RARB: variants seen among roughly 807,000 people sequenced by gnomAD.
RARB encodes the protein retinoic acid receptor beta.
Under a neutral mutation model 51.9 loss-of-function variants are expected in RARB, and 17 were observed. The observed-to-expected ratio is 0.33, with a 90% CI of 0.22 to 0.49. RARB has a LOEUF of 0.49. Among genes scored for constraint, RARB ranks in the 20% least tolerant of loss-of-function variants. The probability of loss-of-function intolerance (pLI) is 0.99; values close to 1 mark genes in which losing one functional copy is unlikely to be tolerated. For synonymous variants in RARB, 215 were observed against 195.4 expected (o/e 1.10, Z -0.84); for missense variants, 369 against 550.8 (o/e 0.67, Z 3.30).
At chr3:24,912,870 GA>G in intron 2 of RARB, among the ~76,000 whole-genome samples, 1 of 151,676 alleles carries the variant, frequency 6.6e-6, no homozygotes, top group Non-Finnish European at 1.5e-5. Context: ...TCAAATCCAG[GA>G]AGAGATTGAA....
intron 5 of RARB, among the ~76,000 whole-genome samples, chr3:25,317,986 C>G (rs1450569032): frequency 2.6e-5 from 4 of 152,156 alleles, no homozygotes; most frequent in Non-Finnish European, 4.4e-5. Flanking sequence ...TTGGAAACAA[C>G]AGGCATCCTA....
At chr3:25,338,983 A>G (rs1423035707) in intron 5 of RARB, among the ~76,000 whole-genome samples, 2 of 152,160 alleles carry the variant, frequency 1.3e-5, no homozygotes, top group East Asian at 3.9e-4. Context: ...TACTTTCCAT[A>G]TAATAAATAT....
At chr3:25,044,306 G>A (rs542412017) in intron 2 of RARB, among the ~76,000 whole-genome samples, 2 of 152,204 alleles carry the variant, frequency 1.3e-5, no homozygotes, top group South Asian at 2.1e-4. Flanking sequence ...TGAGAAATTG[G>A]CCTTGTGTCA....
At chr3:25,307,716 A>G (rs1253698301) in intron 5 of RARB, among the ~76,000 whole-genome samples, 1 of 152,168 alleles carries the variant, frequency 6.6e-6, no homozygotes, top group Non-Finnish European at 1.5e-5. Context: ...GGCCTCTGTC[A>G]CTAGAATGAG....
chr3:25,055,715 A>G (rs1366176416), intron 2 of RARB, among the ~76,000 whole-genome samples: 1 of 152,066 alleles, frequency 6.6e-6, no homozygotes, highest in African/African-American at 2.4e-5. Context: ...TTACATAGAG[A>G]GTAACTTCGG....
chr3:25,462,843 G>T (rs557087401), intron 2 of RARB, among the ~76,000 whole-genome samples: 2 of 152,102 alleles, frequency 1.3e-5, no homozygotes, highest in Non-Finnish European at 2.9e-5. Context: ...TGGCTTGTTC[G>T]CAGAGGCAGG....
At chr3:25,353,018 G>A (rs1705623474) in intron 5 of RARB, among the ~76,000 whole-genome samples, 1 of 152,210 alleles carries the variant, frequency 6.6e-6, no homozygotes, top group South Asian at 2.1e-4. Context: ...GCAAACGCTA[G>A]TTGTGCACCT....
In RARB at chr3:25,229,014, C is replaced by T. The variant is rs116531386; in HGVS notation, c.178+54439C>T. 2.8e-3 allele frequency among the ~76,000 whole-genome samples: 425 copies of T among 152,230 alleles called. 2 individuals carry two copies. The highest frequency in any genetic ancestry group is 8.0e-3 in the African/African-American group (334 of 41,548). ...ACAAGGATGTTTTTGTCTCTGCTGT[C>T]CTATCCACTAACTCAGTCTTCACTC... On this transcript the variant is annotated intron_variant, in intron 5 of 11. Coordinates refer to the RARB transcript ENST00000383772.
At chr3:24,852,983 T>C (rs1702580331) in intron 1 of RARB, among the ~76,000 whole-genome samples, 1 of 152,098 alleles carries the variant, frequency 6.6e-6, no homozygotes, top group African/African-American at 2.4e-5. Context: ...TGGTGAATTG[T>C]ATGGTATATA....
At chr3:25,328,544 T>A (rs1704792873) in intron 5 of RARB, among the ~76,000 whole-genome samples, 1 of 151,742 alleles carries the variant, frequency 6.6e-6, no homozygotes, top group Admixed American at 6.6e-5. Flanking sequence ...AATAAATAAG[T>A]GAAATAAGGG....
At chr3:25,179,121 G>T (rs1700813320) in intron 5 of RARB, among the ~76,000 whole-genome samples, 1 of 152,078 alleles carries the variant, frequency 6.6e-6, no homozygotes, top group South Asian at 2.1e-4. Context: ...CCAACCTTCT[G>T]GAGAGACAGG....
chr3:24,860,190 G>T (rs1009322814), intron 2 of RARB, among the ~76,000 whole-genome samples: 2 of 152,156 alleles, frequency 1.3e-5, no homozygotes, highest in African/African-American at 4.8e-5. Flanking sequence ...ATCTTTAGCT[G>T]CCCATTGTGG....
chr3:25,048,725 T>G (rs1017963391), intron 2 of RARB, among the ~76,000 whole-genome samples: 5 of 151,854 alleles, frequency 3.3e-5, no homozygotes, highest in African/African-American at 9.7e-5. Context: ...AAACGGCATA[T>G]TTCTGCAGAG....
intron 5 of RARB, among the ~76,000 whole-genome samples, chr3:25,393,033 G>A (rs940076162): frequency 5.9e-5 from 9 of 152,180 alleles, no homozygotes; most frequent in South Asian, 2.1e-4. Context: ...GTTTGTCATA[G>A]ATGGCTTTTA....
intron 5 of RARB, among the ~76,000 whole-genome samples, chr3:25,241,180 G>T (rs1702422000): frequency 6.6e-6 from 1 of 152,082 alleles, no homozygotes; most frequent in Non-Finnish European, 1.5e-5. Flanking sequence ...AATATAATGG[G>T]CATTCTGGAA....
chr3:24,930,836 G>A (rs1695422302), intron 2 of RARB, among the ~76,000 whole-genome samples: 1 of 151,950 alleles, frequency 6.6e-6, no homozygotes, highest in Admixed American at 6.6e-5. Flanking sequence ...TAGTGAGATG[G>A]TGTCTCCCCA....
chr3:25,278,361 C>T (rs1198162648), intron 5 of RARB, among the ~76,000 whole-genome samples: 1 of 152,200 alleles, frequency 6.6e-6, no homozygotes. Context: ...AGACCCTCTT[C>T]TGTTTCACTC....
intron 1 of RARB, chr3:25,441,475 G>A (rs1448240694): frequency 1.2e-5 from 2 of 167,946 alleles, no homozygotes; most frequent in African/African-American, 4.8e-5. Context: ...TTTGTGGCCA[G>A]TTTCTTCCCG....
In RARB at chr3:25,027,445, C is replaced by T. The variant is rs555610698; in HGVS notation, c.-379-32680C>T. On this transcript the variant is annotated intron_variant, in intron 2 of 11. Transcript: ENST00000383772. ...CCCCCCCATATGATTTATAGGGAGA[C>T]ATTCATTTCTGAAATTCTGGGATCC... 2.6e-5 allele frequency among the ~76,000 whole-genome samples: 4 copies of T among 152,200 alleles called. No individual in the cohort carries two copies. The East Asian group carries it at 7.7e-4, about 29-fold the overall frequency.
Sources: gnomAD v4.1 joint callset for allele counts (sites outside exome capture counted in the v4.1 genomes callset) on GRCh38, gnomAD v4.1.1 for gene constraint, MANE v1.5 for transcripts, NCBI Gene and HGNC (gene_info 2026-07-23, HGNC 2026-07-21) for gene names.